VPS13B: variants seen among roughly 807,000 people sequenced by gnomAD.
VPS13B encodes the protein vacuolar protein sorting 13 homolog B.
In VPS13B, 285 loss-of-function variants were observed where a neutral mutation model predicts 426.4. The ratio of observed to expected loss-of-function variants is 0.67; its 90% CI spans 0.61 to 0.74. The LOEUF (loss-of-function observed/expected upper bound fraction) is 0.74, where lower values mean the gene tolerates loss of function less well. Ranked by LOEUF, VPS13B falls within the 30% of genes least tolerant of loss-of-function variation. VPS13B has a pLI of 0.00. For missense variants in VPS13B, 4,537 were observed against 4,782.6 expected, an observed-to-expected ratio of 0.95 and a Z score of 1.51; for synonymous variants, 1,676 against 1,676.4, an observed-to-expected ratio of 1.00 and a Z score of 0.01.
chr8:99,818,983 G>GGGGT, intron 47 of VPS13B, 95 bp downstream of exon 47: 1 of 384,876 alleles, frequency 2.6e-6, no homozygotes, highest in Non-Finnish European at 5.3e-6. Context: ...GGAGGGGTGG[G>GGGGT]TAGGGAGATG....
At chr8:99,432,833 G>A (rs1447751445) in intron 22 of VPS13B, among the ~76,000 whole-genome samples, 1 of 152,046 alleles carries the variant, frequency 6.6e-6, no homozygotes, top group African/African-American at 2.4e-5. Flanking sequence ...CGAAAATATA[G>A]AGTGATAAAG....
At position 99,121,163 on chromosome 8, in the gene VPS13B, ATT is replaced by A. The variant is rs1166974884; in HGVS notation, c.938-11_938-10del. On this transcript the variant is annotated splice_polypyrimidine_tract_variant and intron_variant, in intron 7 of 61. Coordinates refer to ENST00000357162, the MANE Select transcript of VPS13B (RefSeq NM_152564.5). ...CTTTTGACTTATTTAAAATGACTTA[ATT>A]TTAATTGATAGGTTCTGAAGATGAA... 6.2e-7 allele frequency: 1 copy of A among 1,608,752 alleles called. No individual in the cohort carries two copies. Among genetic ancestry groups the A allele is most frequent in the East Asian group, 2.2e-5 (1 of 44,798 alleles).
In VPS13B at chr8:99,740,696, A is replaced by T. The variant is rs149893352; in HGVS notation, c.7050+19649A>T. 8.0e-3 allele frequency among the ~76,000 whole-genome samples: 1,221 copies of T among 152,290 alleles called. 16 individuals are homozygous for T. Among genetic ancestry groups the T allele is most frequent in the African/African-American group, 0.027 (1,140 of 41,544 alleles). On this transcript the variant is annotated intron_variant, in intron 39 of 61. Coordinates refer to ENST00000357162, the MANE Select transcript of VPS13B (RefSeq NM_152564.5). ...ACATTCTTAAAGAAAAGAATTTTGAACCCAGAATTTCATATCCAGCCAAAC... is the reference window on the plus strand; with the variant it reads ...ACATTCTTAAAGAAAAGAATTTTGATCCCAGAATTTCATATCCAGCCAAAC...
At chr8:99,251,316 G>A (rs552134220) in intron 17 of VPS13B, among the ~76,000 whole-genome samples, 53 of 152,116 alleles carry the variant, frequency 3.5e-4, no homozygotes, top group African/African-American at 1.2e-3. Flanking sequence ...ATCTTTCTTA[G>A]GAAGTTCCTC....
At chr8:99,674,195 T>G (rs1830830105) in intron 35 of VPS13B, among the ~76,000 whole-genome samples, 1 of 152,016 alleles carries the variant, frequency 6.6e-6, no homozygotes, top group African/African-American at 2.4e-5. Context: ...GTTAAAGTCC[T>G]CCACTATTAT....
At chr8:99,383,558 A>G (rs1375063203) in intron 19 of VPS13B, among the ~76,000 whole-genome samples, 1 of 152,120 alleles carries the variant, frequency 6.6e-6, no homozygotes, top group East Asian at 1.9e-4. Context: ...TTGTACAATC[A>G]TTTTCTAATT....
Position 99,641,973 on chromosome 8 carries a change from G to A in VPS13B, c.5383G>A (p.Ala1795Thr), listed in dbSNP as rs1428248886. ...CAGTGGTGCCAGTCAGCATCGCATT[G>A]CCCGTCCCTCACGCCAGTCATCAAT... The part of the protein sequence containing the change: ...QHSGASQHRI[A>T]RPSRQSSIVK... The change falls in exon 34 of 62, where the codon GCC (alanine) becomes ACC (threonine). Residue 1795 changes from alanine to threonine, a missense_variant. Ala to Thr is a moderately conservative substitution (Grantham distance 58). Coordinates refer to ENST00000357162, the MANE Select transcript of VPS13B (RefSeq NM_152564.5). The A allele has an allele frequency of 6.2e-7, 1 of 1,614,036 alleles. No homozygotes were observed. Among genetic ancestry groups the A allele is most frequent in the Non-Finnish European group, 8.5e-7 (1 of 1,180,008 alleles).
chr8:99,284,330 T>C (rs1158852020), intron 19 of VPS13B, among the ~76,000 whole-genome samples: 1 of 152,220 alleles, frequency 6.6e-6, no homozygotes, highest in Non-Finnish European at 1.5e-5. Context: ...TTTTTTAGCA[T>C]AATCATTCAT....
chr8:99,053,460 A>C (rs904950650), intron 3 of VPS13B, among the ~76,000 whole-genome samples: 8 of 152,004 alleles, frequency 5.3e-5, no homozygotes, highest in African/African-American at 1.7e-4. Context: ...GGCCCCTACA[A>C]AGGACATGAA....
At chr8:99,342,457 A>G (rs1369838737) in intron 19 of VPS13B, among the ~76,000 whole-genome samples, 2 of 152,120 alleles carry the variant, frequency 1.3e-5, no homozygotes, top group Non-Finnish European at 2.9e-5. Context: ...TACAAGTTCA[A>G]CTTTTTTAGA....
chr8:99,559,993 TG>T (rs1824815632), intron 31 of VPS13B, among the ~76,000 whole-genome samples: 2 of 152,256 alleles, frequency 1.3e-5, no homozygotes, highest in African/African-American at 4.8e-5. Flanking sequence ...TAAATTACCT[TG>T]GGCAGTATGG....
At chr8:99,297,745 G>A (rs1413640127) in intron 19 of VPS13B, among the ~76,000 whole-genome samples, 1 of 152,166 alleles carries the variant, frequency 6.6e-6, no homozygotes, top group Non-Finnish European at 1.5e-5. Context: ...ACATAGAATT[G>A]TACACGTATG....
chr8:99,520,879 A>G lies in VPS13B; in HGVS notation c.4634-20A>G. 6.2e-7 allele frequency: 1 copy of G among 1,604,562 alleles called. No individual in the cohort carries two copies. Among genetic ancestry groups the G allele is most frequent in the South Asian group, 1.1e-5 (1 of 90,896 alleles). On this transcript the variant is annotated intron_variant, in intron 29 of 61. Coordinates refer to ENST00000357162, the MANE Select transcript of VPS13B (RefSeq NM_152564.5). ...GTACAGATCCACAGTGTATTCATGA[A>G]TCTCCTTCTTTTGTTACAGCTAATC... is the stretch of plus-strand genomic sequence containing the variant.
At chr8:99,055,569 G>A (rs1016262175) in intron 3 of VPS13B, among the ~76,000 whole-genome samples, 2 of 152,068 alleles carry the variant, frequency 1.3e-5, no homozygotes, top group African/African-American at 4.8e-5. Flanking sequence ...TGTCAGCAGT[G>A]TATTATAATT....
intron 21 of VPS13B, among the ~76,000 whole-genome samples, chr8:99,408,196 A>G (rs1280508047): frequency 2.0e-5 from 3 of 152,190 alleles, no homozygotes; most frequent in African/African-American, 4.8e-5. Flanking sequence ...TAGAGGCATG[A>G]TATAACCTTT....
intron 17 of VPS13B, among the ~76,000 whole-genome samples, chr8:99,228,639 T>A (rs1483171260): frequency 1.4e-5 from 2 of 139,288 alleles, no homozygotes; most frequent in Admixed American, 7.1e-5. Context: ...TTTTTTTTTT[T>A]AAACTCACTT....
chr8:99,840,785 T>C (rs1336519977), intron 54 of VPS13B, among the ~76,000 whole-genome samples: 1 of 152,202 alleles, frequency 6.6e-6, no homozygotes, highest in Non-Finnish European at 1.5e-5. Context: ...ACACTAAAGC[T>C]TAAAGCAGCA....
intron 30 of VPS13B, among the ~76,000 whole-genome samples, chr8:99,547,646 T>C (rs986378525): frequency 5.3e-5 from 8 of 152,122 alleles, no homozygotes; most frequent in African/African-American, 1.7e-4. Context: ...TTTCCTGTTA[T>C]ATACTTAAAG....
chr8:99,178,054 G>A (rs1812731985), intron 16 of VPS13B, among the ~76,000 whole-genome samples: 1 of 151,378 alleles, frequency 6.6e-6, no homozygotes, highest in Admixed American at 6.6e-5. Flanking sequence ...GAAATGGCTT[G>A]GTTAGTAATT....
Sources: gnomAD v4.1 joint callset for allele counts (sites outside exome capture counted in the v4.1 genomes callset) on GRCh38, gnomAD v4.1.1 for gene constraint, MANE v1.5 for transcripts, NCBI Gene and HGNC (gene_info 2026-07-23, HGNC 2026-07-21) for gene names.